Variants in CTDSP2 observed in about 807,000 individuals in gnomAD.
The protein encoded by CTDSP2 is CTD small phosphatase 2, also known as carboxy-terminal domain RNA polymerase II polypeptide A small phosphatase 2.
Under a neutral mutation model 31.6 loss-of-function variants are expected in CTDSP2, and 9 were observed. The observed-to-expected ratio is 0.28, with a 90% CI of 0.17 to 0.50. The LOEUF is 0.50. Among genes scored for constraint, CTDSP2 ranks in the 20% least tolerant of loss-of-function variants. The pLI, the probability that CTDSP2 is intolerant of heterozygous loss-of-function variation, is 0.98. For synonymous variants in CTDSP2, 134 were observed against 134.5 expected (o/e 1.00, Z 0.03); for missense variants, 267 against 348.5 (o/e 0.77, Z 1.86).
Position 57,823,902 on chromosome 12 carries a change from A to G in CTDSP2, c.690+2T>C. ...CCGTGGAGACGCATCAGGAGCACTC[A>G]CTGCATTCTCGGGGTGGAATATGTA... On this transcript the variant is annotated splice_donor_variant, in intron 7 of 7. Transcript: ENST00000398073. LOFTEE classifies it high-confidence loss of function. 6.2e-7 allele frequency: 1 copy of G among 1,612,276 alleles called. No individual in the cohort carries two copies. Among genetic ancestry groups the G allele is most frequent in the Non-Finnish European group, 8.5e-7 (1 of 1,179,402 alleles).
rs10783852 is a variant in CTDSP2 at position 57,839,515 on chromosome 12, A to G, written c.64+6857T>C. ...GGGCGGATCATGAGGTCAGGAGATC[A>G]AGACCATCCTGGCTAACACAGTGAA... is the stretch of plus-strand genomic sequence containing the variant. On this transcript the variant is annotated intron_variant, in intron 1 of 7. Coordinates refer to ENST00000398073, the MANE Select transcript of CTDSP2 (RefSeq NM_005730.4). Among the ~76,000 whole-genome samples the G allele has an allele frequency of 7.4e-3, 1,123 of 152,020 alleles. 3 individuals carry two copies. The highest frequency in any genetic ancestry group is 0.013 in the African/African-American group (555 of 41,496).
chr12:57,827,123 T>C (rs1296311466), intron 3 of CTDSP2, 26 bp from the exon 4 acceptor site: 1 of 1,549,686 alleles, frequency 6.5e-7, no homozygotes. Context: ...GTTGCTGAGA[T>C]CTGCCTACCA....
In CTDSP2 at chr12:57,821,120, C is replaced by G. The variant is rs1036918993; in HGVS notation, c.*2482G>C. 1 of 152,258 alleles carries G rather than the reference C, an allele frequency of 6.6e-6. No individual in the cohort carries two copies. The highest frequency in any genetic ancestry group is 2.4e-5 in the African/African-American group (1 of 41,442). 9.4% of individuals were successfully genotyped at this position (152,258 alleles called of 1,614,324 possible). A position where few individuals can be genotyped will look rare whatever the true frequency, so the allele number is the denominator to read the frequency against. ...GCAAATTTTACAATCATCCCTCACC[C>G]TAACACACGGTGAAACTGGAAACCC... On this transcript the variant is annotated 3_prime_UTR_variant, in exon 8 of 8. Transcript: ENST00000398073.
chr12:57,821,455 C>T lies in CTDSP2; in HGVS notation c.*2147G>A, dbSNP rs1216610520. ...AAAAACATGGAGATCCAAGGGAGGG[C>T]GGAAAGGGTCCTTGCAACTCAGTCA... On this transcript the variant is annotated 3_prime_UTR_variant, in exon 8 of 8. Transcript: ENST00000398073. The T allele has an allele frequency of 2.0e-5, 3 of 152,622 alleles. No individual in the cohort carries two copies. Among genetic ancestry groups the T allele is most frequent in the African/African-American group, 4.8e-5 (2 of 41,422 alleles). The allele number at this position is 152,622 out of a possible 1,614,324, so 9.5% of individuals were successfully genotyped here. A position where few individuals can be genotyped will look rare whatever the true frequency, so the allele number is the denominator to read the frequency against.
intron 2 of CTDSP2, among the ~76,000 whole-genome samples, chr12:57,828,421 C>CAA (rs1189073935): frequency 1.9e-4 from 12 of 63,154 alleles, no homozygotes; most frequent in African/African-American, 2.9e-4. Context: ...AACTCCATCT[C>CAA]AAAAAAAAAA....
intron 1 of CTDSP2, chr12:57,842,862 C>T (rs1442963249): frequency 6.6e-6 from 1 of 152,198 alleles, no homozygotes; most frequent in Admixed American, 6.5e-5. Flanking sequence ...TAAAGGCTTG[C>T]CTACATCTAC....
rs1232162568 is a variant in CTDSP2 at position 57,846,407 on chromosome 12, G to A, written c.29C>T (p.Ala10Val). 24 of 1,608,286 alleles carry A rather than the reference G, an allele frequency of 1.5e-5. No homozygotes were observed. The highest frequency in any genetic ancestry group is 2.0e-5 in the Non-Finnish European group (23 of 1,177,710). The stretch of plus-strand genomic sequence containing the variant: ...GAGCACCAGGGCGTCTTCCCTCCGC[G>A]CCTGGGTGATGATGGAGCCGTGTTC... MEHGSIITQ[A>V]RREDALVLTK... is the part of the protein sequence containing the mutation. Residue 10 changes from alanine to valine, a missense_variant, in exon 1 of 8, where the codon GCG becomes GTG. This residue lies in a region of CTDSP2 where 111 missense variants were observed against 107.1 expected (regional missense o/e 1.04). Transcript: ENST00000398073.
At chr12:57,846,271 C>G (rs1481010293) in intron 1 of CTDSP2, 101 bp downstream of exon 1, 3 of 1,136,834 alleles carry the variant, frequency 2.6e-6, no homozygotes, top group African/African-American at 1.6e-5. Flanking sequence ...ATCGCTGGCT[C>G]TAAGCCCTGG....
At chr12:57,836,505 A>T (rs1291966792) in intron 1 of CTDSP2, among the ~76,000 whole-genome samples, 2 of 152,240 alleles carry the variant, frequency 1.3e-5, no homozygotes, top group South Asian at 2.1e-4. Flanking sequence ...CCAAAAAAAA[A>T]TTAGCCAGGT....
In CTDSP2 at chr12:57,823,446, G is replaced by A. The variant is rs893048002; in HGVS notation, c.*156C>T. 4.3e-5 allele frequency: 34 copies of A among 795,702 alleles called. No individual in the cohort carries two copies. The highest frequency in any genetic ancestry group is 3.1e-4 in the African/African-American group (18 of 57,818). 49.3% of individuals were successfully genotyped at this position (795,702 alleles called of 1,614,324 possible). On this transcript the variant is annotated 3_prime_UTR_variant, in exon 8 of 8. Coordinates refer to ENST00000398073, the MANE Select transcript of CTDSP2 (RefSeq NM_005730.4). ...TCATTGGTCTGGCATTCGCCCACTC[G>A]GCATCTAAGCTGTCCTAAAGCTCTT...
At chr12:57,828,650 C>T (rs1475992721) in intron 2 of CTDSP2, among the ~76,000 whole-genome samples, 1 of 152,226 alleles carries the variant, frequency 6.6e-6, no homozygotes. Flanking sequence ...AAGCTAATCA[C>T]TCAGTAATAC....
intron 1 of CTDSP2, among the ~76,000 whole-genome samples, chr12:57,838,843 G>A (rs1956263762): frequency 6.6e-6 from 1 of 152,158 alleles, no homozygotes; most frequent in African/African-American, 2.4e-5. Flanking sequence ...GGAGTGTCCT[G>A]GTCCTAACAA....
In CTDSP2 at chr12:57,821,093, G is replaced by C. The variant is rs1422179024; in HGVS notation, c.*2509C>G. The C allele has an allele frequency of 1.3e-5, 2 of 152,172 alleles. No homozygotes were observed. Among genetic ancestry groups the C allele is most frequent in the East Asian group, 1.9e-4 (1 of 5,198 alleles). The allele number at this position is 152,172 out of a possible 1,614,324, so 9.4% of individuals were successfully genotyped here. A position where few individuals can be genotyped will look rare whatever the true frequency, so the allele number is the denominator to read the frequency against. Reference sequence around the variant, plus strand: ...TTGAGTCTGGCCTGATTCCTTTGAGGAGCAAATTTTACAATCATCCCTCAC... The same window carrying C: ...TTGAGTCTGGCCTGATTCCTTTGAGCAGCAAATTTTACAATCATCCCTCAC... On this transcript the variant is annotated 3_prime_UTR_variant, in exon 8 of 8. Transcript: ENST00000398073.
intron 4 of CTDSP2, 90 bp downstream of exon 4, chr12:57,826,906 T>C (rs1956185913): frequency 2.9e-6 from 3 of 1,028,724 alleles, no homozygotes; most frequent in Non-Finnish European, 4.4e-6. Flanking sequence ...CACTCTTCTT[T>C]CCTCACCTTT....
intron 1 of CTDSP2, among the ~76,000 whole-genome samples, chr12:57,836,177 G>A (rs904044959): frequency 3.3e-5 from 5 of 152,138 alleles, no homozygotes; most frequent in African/African-American, 1.2e-4. Flanking sequence ...GTTTCAGAAA[G>A]TCAAAATAGC....
intron 1 of CTDSP2, among the ~76,000 whole-genome samples, chr12:57,845,233 T>C (rs1956307287): frequency 6.6e-6 from 1 of 151,724 alleles, no homozygotes; most frequent in Non-Finnish European, 1.5e-5. Context: ...GTGGCCCCGG[T>C]CGGGGGGCTC....
intron 2 of CTDSP2, 29 bp from the exon 3 acceptor site, chr12:57,827,619 C>A: frequency 6.2e-7 from 1 of 1,608,710 alleles, no homozygotes; most frequent in Non-Finnish European, 8.5e-7. Flanking sequence ...TGGTCAGTGC[C>A]ATCTCACTGC....
chr12:57,846,474 A>ACGGG lies in CTDSP2; in HGVS notation c.-43_-40dup. The ACGGG allele has an allele frequency of 1.3e-6, 2 of 1,528,770 alleles. No homozygotes were observed. 94.7% of individuals were successfully genotyped at this position (1,528,770 alleles called of 1,614,324 possible). A position where few individuals can be genotyped will look rare whatever the true frequency, so the allele number is the denominator to read the frequency against. The stretch of plus-strand genomic sequence containing the variant: ...GGGCCCGGGCTGGCTGGGCGGGAGG[A>ACGGG]CGGGCGGGCGCGCGGGCTGGGCTGG... On this transcript the variant is annotated 5_prime_UTR_variant, in exon 1 of 8. Coordinates refer to ENST00000398073, the MANE Select transcript of CTDSP2 (RefSeq NM_005730.4).
rs560057947 is a variant in CTDSP2, at chr12:57,828,457, T to C, written c.214-867A>G. Among the ~76,000 whole-genome samples the C allele has an allele frequency of 1.7e-4, 26 of 152,206 alleles. No individual in the cohort carries two copies. In the South Asian group the frequency reaches 5.4e-3, roughly 32 times the overall value. ...AAAAAAAAGTTATGGTTTTAAGTGT[T>C]CTTAATGAAAACTTTGAAGAAAAAT... is the stretch of plus-strand genomic sequence containing the variant. On this transcript the variant is annotated intron_variant, in intron 2 of 7. Transcript: ENST00000398073.
Sources: gnomAD v4.1 joint callset for allele counts (sites outside exome capture counted in the v4.1 genomes callset) on GRCh38, gnomAD v4.1.1 for gene constraint, gnomAD v4.1.1 regional missense constraint, MANE v1.5 for transcripts, NCBI Gene and HGNC (gene_info 2026-07-23, HGNC 2026-07-21) for gene names.